The following CDC45 variants were observed in gnomAD, a reference collection of about 807,000 sequenced individuals.
The protein encoded by CDC45 is cell division control protein 45 homolog.
A neutral mutation model predicts 77.8 loss-of-function variants in CDC45; 54 were observed. The observed-to-expected ratio is 0.69, with a 90% CI of 0.56 to 0.87. The LOEUF is 0.87. Ranked by LOEUF, CDC45 falls within the 40% of genes least tolerant of loss-of-function variation. The pLI, the probability that CDC45 is intolerant of heterozygous loss-of-function variation, is 0.00. For synonymous variants in CDC45, 260 were observed against 272.1 expected (o/e 0.96, Z 0.44); for missense variants, 649 against 721.6 (o/e 0.90, Z 1.15).
chr22:19,491,587 A>G (rs1014814921), intron 5 of CDC45, among the ~76,000 whole-genome samples: 4 of 152,054 alleles, frequency 2.6e-5, no homozygotes, highest in Admixed American at 1.3e-4. Flanking sequence ...CTTTATCCCT[A>G]TCATGAAAGT....
intron 10 of CDC45, among the ~76,000 whole-genome samples, chr22:19,506,953 A>G (rs1933220959): frequency 1.3e-5 from 2 of 151,386 alleles, no homozygotes; most frequent in African/African-American, 4.8e-5. Flanking sequence ...AAACGAAAAA[A>G]GGGCTGAGGA....
At chr22:19,510,435 C>CAT (rs1933449394) in intron 13 of CDC45, among the ~76,000 whole-genome samples, 1 of 152,158 alleles carries the variant, frequency 6.6e-6, no homozygotes, top group Non-Finnish European at 1.5e-5. Context: ...CAAATGGGAT[C>CAT]ATATAAGATA....
At chr22:19,479,653 A>C (rs2089939203), upstream of CDC45, 1 of 668,562 alleles carries the variant, frequency 1.5e-6, no homozygotes, top group South Asian at 1.5e-5. Context: ...TTCTCTTCCC[A>C]AAGTAAAGAT....
chr22:19,489,189 T>C (rs1239565700), intron 5 of CDC45, among the ~76,000 whole-genome samples: 1 of 152,210 alleles, frequency 6.6e-6, no homozygotes, highest in Non-Finnish European at 1.5e-5. Flanking sequence ...GAAAGTCTCC[T>C]TTCTAAATTT....
intron 9 of CDC45, 154 bp from the exon 10 acceptor site, chr22:19,505,208 A>G (rs1404459315): frequency 1.6e-5 from 13 of 793,164 alleles, no homozygotes; most frequent in East Asian, 1.3e-4. Flanking sequence ...CTTGGTTTCT[A>G]TGCAGGCTGC....
chr22:19,497,480 ATTTG>A (rs2090263551), intron 8 of CDC45, 33 bp downstream of exon 8: 2 of 1,592,602 alleles, frequency 1.3e-6, no homozygotes, highest in Non-Finnish European at 1.7e-6. Flanking sequence ...GTGTGGGAGT[ATTTG>A]TTGCCTTGGT....
At chr22:19,479,895 T>C, upstream of CDC45, 1 of 1,469,618 alleles carries the variant, frequency 6.8e-7, no homozygotes, top group Non-Finnish European at 9.5e-7. Flanking sequence ...GGAGCCGTGA[T>C]TTGGCGGGAG....
chr22:19,499,433 C>A (rs564347508), intron 9 of CDC45, among the ~76,000 whole-genome samples: 2 of 152,000 alleles, frequency 1.3e-5, no homozygotes, highest in African/African-American at 2.4e-5. Context: ...CCAGCAGGGC[C>A]AGGCTTAGAG....
chr22:19,492,045 A>T (rs183279137), intron 5 of CDC45, among the ~76,000 whole-genome samples: 2 of 152,042 alleles, frequency 1.3e-5, no homozygotes, highest in Non-Finnish European at 2.9e-5. Flanking sequence ...GCCTCAAGCA[A>T]TCTGCCCGCC....
intron 9 of CDC45, among the ~76,000 whole-genome samples, chr22:19,501,281 G>A (rs187666695): frequency 7.2e-5 from 11 of 152,328 alleles, no homozygotes; most frequent in Admixed American, 5.2e-4. Flanking sequence ...TGTTCGGTGG[G>A]CAGGACCTAG....
chr22:19,491,889 C>T (rs1424016111), intron 5 of CDC45, among the ~76,000 whole-genome samples: 1 of 151,902 alleles, frequency 6.6e-6, no homozygotes, highest in Non-Finnish European at 1.5e-5. Context: ...GACCTGCAAC[C>T]TCTGCCTCCT....
intron 9 of CDC45, among the ~76,000 whole-genome samples, chr22:19,503,696 T>C: frequency 6.6e-6 from 1 of 152,194 alleles, no homozygotes; most frequent in Admixed American, 6.5e-5. Context: ...TGCTCTTTGG[T>C]CTCCTTCCAA....
chr22:19,486,602 CATTA>C (rs2090071248), intron 5 of CDC45, among the ~76,000 whole-genome samples: 1 of 152,200 alleles, frequency 6.6e-6, no homozygotes, highest in Non-Finnish European at 1.5e-5. Context: ...ATTTTAATAA[CATTA>C]AGCATTCTTG....
chr22:19,503,826 T>C (rs1932999486), intron 9 of CDC45, among the ~76,000 whole-genome samples: 1 of 152,146 alleles, frequency 6.6e-6, no homozygotes, highest in Non-Finnish European at 1.5e-5. Context: ...CCACAGGACC[T>C]CCAAAGAGGC....
intron 13 of CDC45, among the ~76,000 whole-genome samples, chr22:19,508,978 G>C (rs1462703173): frequency 6.6e-6 from 1 of 151,612 alleles, no homozygotes; most frequent in African/African-American, 2.4e-5. Context: ...GGCATTATTT[G>C]TTATGTATAT....
intron 4 of CDC45, among the ~76,000 whole-genome samples, chr22:19,483,316 C>A (rs1460731782): frequency 3.3e-5 from 5 of 152,078 alleles, no homozygotes; most frequent in African/African-American, 1.2e-4. Flanking sequence ...CTTGTAGTCC[C>A]AGCTACTCAG....
Position 19,499,166 on chromosome 22 carries a change from C to G in CDC45, c.704+15C>G, listed in dbSNP as rs1335625203. ...AAGATCACTCAGTAAGGACACACTC[C>G]CTTGCCTTGCAGGGTCAGCCCTGTG... On this transcript the variant is annotated intron_variant, in intron 9 of 18. Coordinates refer to ENST00000263201, the MANE Select transcript of CDC45 (RefSeq NM_003504.5). 1 of 1,613,654 alleles carries G rather than the reference C, an allele frequency of 6.2e-7. No individual in the cohort carries two copies. Among genetic ancestry groups the G allele is most frequent in the Non-Finnish European group, 8.5e-7 (1 of 1,179,738 alleles).
intron 17 of CDC45, among the ~76,000 whole-genome samples, chr22:19,517,502 C>G (rs531306013): frequency 4.6e-5 from 7 of 152,362 alleles, no homozygotes; most frequent in African/African-American, 1.7e-4. Context: ...TAAAGTAAAA[C>G]AGACGTATTG....
chr22:19,507,317 C>T, intron 10 of CDC45, 69 bp from the exon 11 acceptor site: 1 of 1,574,616 alleles, frequency 6.4e-7, no homozygotes, highest in Non-Finnish European at 8.7e-7. Flanking sequence ...GAGTGGCCCA[C>T]CTGCTGGAGT....
Sources: gnomAD v4.1 joint callset for allele counts (sites outside exome capture counted in the v4.1 genomes callset) on GRCh38, gnomAD v4.1.1 for gene constraint, MANE v1.5 for transcripts, NCBI Gene and HGNC (gene_info 2026-07-23, HGNC 2026-07-21) for gene names.